STPG2: variants seen among roughly 807,000 people sequenced by gnomAD.
STPG2 encodes sperm-tail PG-rich repeat-containing protein 2.
STPG2 carries 56 observed loss-of-function variants against 54.2 expected under a neutral mutation model. The observed-to-expected ratio is 1.03, with a 90% CI of 0.83 to 1.29. The LOEUF is 1.29. Among genes scored for constraint, STPG2 ranks in the 50% most tolerant of loss-of-function variants. The pLI is 0.00. For synonymous variants in STPG2, 200 were observed against 181.8 expected (o/e 1.10, Z -0.81); for missense variants, 596 against 544.9 (o/e 1.09, Z -0.93).
chr4:97,486,892 CACACAA>C (rs1730379018), intron 4 of STPG2, among the ~76,000 whole-genome samples: 1 of 148,144 alleles, frequency 6.8e-6, no homozygotes, highest in African/African-American at 2.5e-5. Flanking sequence ...CACACACACA[CACACAA>C]TGGAATACTA....
chr4:97,475,083 T>C (rs1229532874), intron 4 of STPG2, among the ~76,000 whole-genome samples: 2 of 152,184 alleles, frequency 1.3e-5, no homozygotes, highest in East Asian at 3.9e-4. Flanking sequence ...TAAGAGGGTG[T>C]TGCTTATAAA....
At chr4:97,882,467 G>A (rs1730413112) in intron 8 of STPG2, among the ~76,000 whole-genome samples, 5 of 152,132 alleles carry the variant, frequency 3.3e-5, no homozygotes, top group Non-Finnish European at 2.9e-5. Flanking sequence ...GGGAGGACTG[G>A]GAAATGATAG....
At chr4:97,917,904 A>G (rs1423812252) in intron 8 of STPG2, among the ~76,000 whole-genome samples, 2 of 152,302 alleles carry the variant, frequency 1.3e-5, no homozygotes, top group South Asian at 2.1e-4. Flanking sequence ...GACACTACTC[A>G]TAGGAAAAAA....
At chr4:97,670,537 A>G (rs1722666754) in intron 10 of STPG2, among the ~76,000 whole-genome samples, 1 of 152,210 alleles carries the variant, frequency 6.6e-6, no homozygotes, top group Non-Finnish European at 1.5e-5. Context: ...CATATAAGTA[A>G]AATGATGAGC....
chr4:98,043,691 TTCA>T (rs1737034643), intron 5 of STPG2, among the ~76,000 whole-genome samples: 4 of 152,114 alleles, frequency 2.6e-5, no homozygotes, highest in Admixed American at 2.6e-4. Context: ...CTTTAATACT[TTCA>T]TCTTTTTTCT....
intron 5 of STPG2, among the ~76,000 whole-genome samples, chr4:98,008,197 G>T (rs1420438760): frequency 6.6e-6 from 1 of 151,980 alleles, no homozygotes; most frequent in African/African-American, 2.4e-5. Flanking sequence ...CAAGAGAAAA[G>T]CATCTAGTCA....
intron 10 of STPG2, among the ~76,000 whole-genome samples, chr4:97,572,261 C>T (rs1254553126): frequency 6.6e-6 from 1 of 152,154 alleles, no homozygotes; most frequent in African/African-American, 2.4e-5. Flanking sequence ...AATACCTGTA[C>T]TCTCAAGATA....
intron 10 of STPG2, among the ~76,000 whole-genome samples, chr4:97,566,159 C>A (rs1219534293): frequency 6.6e-6 from 1 of 152,190 alleles, no homozygotes; most frequent in Non-Finnish European, 1.5e-5. Context: ...TCTCCCCCAG[C>A]CTCGCTGCCA....
At position 97,840,866 on chromosome 4, in the gene STPG2, A is replaced by G; in HGVS notation, c.1111T>C (p.Tyr371His). Residue 371 changes from tyrosine to histidine, a missense_variant, in exon 9 of 11, where the codon TAT becomes CAT. By Grantham distance (83) the Tyr-to-His change is moderately conservative. Coordinates refer to ENST00000295268, the MANE Select transcript of STPG2 (RefSeq NM_174952.3). ...SYEMSQVKHK[Y>H]MPPRSLVAKR... ...GCCACTAAACTACGAGGTGGCATAT[A>G]TTTATGCTTAACTTGGGACATCTCA... is the stretch of plus-strand genomic sequence containing the variant. 6.2e-7 allele frequency: 1 copy of G among 1,612,212 alleles called. No homozygotes were observed. The highest frequency in any genetic ancestry group is 8.5e-7 in the Non-Finnish European group (1 of 1,178,646).
At chr4:97,487,980 C>T (rs1026628001) in intron 4 of STPG2, among the ~76,000 whole-genome samples, 5 of 151,326 alleles carry the variant, frequency 3.3e-5, no homozygotes, top group African/African-American at 1.2e-4. Context: ...GTATTTATCA[C>T]CCATAATTAT....
chr4:97,552,314 A>G (rs543303648), intron 4 of STPG2, among the ~76,000 whole-genome samples: 107 of 152,200 alleles, frequency 7.0e-4, no homozygotes, highest in African/African-American at 2.6e-3. Context: ...GAAAAACATA[A>G]TAGTTCTTAC....
intron 8 of STPG2, among the ~76,000 whole-genome samples, chr4:97,873,201 T>A (rs1306276374): frequency 1.3e-5 from 2 of 151,102 alleles, no homozygotes; most frequent in Non-Finnish European, 3.0e-5. Context: ...TCCTTCCTTC[T>A]TTCCTTTTTT....
intron 9 of STPG2, among the ~76,000 whole-genome samples, chr4:97,763,594 T>C (rs895188651): frequency 6.6e-6 from 1 of 152,108 alleles, no homozygotes; most frequent in African/African-American, 2.4e-5. Context: ...TTATGCCTAT[T>C]GTCCGGGCAT....
intron 1 of STPG2, among the ~76,000 whole-genome samples, chr4:98,137,392 A>C (rs183602664): frequency 4.7e-4 from 72 of 151,910 alleles, no homozygotes; most frequent in African/African-American, 1.6e-3. Context: ...AAGGCCAAAA[A>C]GAAAATTTTG....
intron 5 of STPG2, among the ~76,000 whole-genome samples, chr4:98,052,520 T>C (rs919345058): frequency 6.6e-6 from 1 of 152,248 alleles, no homozygotes; most frequent in African/African-American, 2.4e-5. Flanking sequence ...ATAGGTATGA[T>C]AGAGTTTTAA....
chr4:97,548,864 TAACTA>T (rs1057459837), intron 4 of STPG2, among the ~76,000 whole-genome samples: 3 of 152,332 alleles, frequency 2.0e-5, no homozygotes, highest in Middle Eastern at 6.8e-3. Context: ...GCGCTATACT[TAACTA>T]TTGACAATTT....
intron 9 of STPG2, among the ~76,000 whole-genome samples, chr4:97,813,672 T>C (rs570050051): frequency 1.2e-3 from 90 of 74,186 alleles, no homozygotes; most frequent in African/African-American, 5.0e-3. Context: ...CAAGACCCTG[T>C]CTCTTAAAAA....
chr4:97,851,853 T>C (rs1052137365), intron 8 of STPG2, among the ~76,000 whole-genome samples: 3 of 152,194 alleles, frequency 2.0e-5, no homozygotes, highest in African/African-American at 7.2e-5. Context: ...TATCTCAGCA[T>C]ATTAAAGTAA....
intron 10 of STPG2, among the ~76,000 whole-genome samples, chr4:97,704,831 AAAGAT>A (rs1723891580): frequency 6.6e-6 from 1 of 152,216 alleles, no homozygotes; most frequent in South Asian, 2.1e-4. Context: ...AATTTTCCAC[AAAGAT>A]AATATGAACA....
Sources: allele counts gnomAD v4.1 joint callset (sites outside exome capture counted in the v4.1 genomes callset), GRCh38; gene constraint gnomAD v4.1.1; transcripts MANE v1.5; gene names NCBI Gene and HGNC (gene_info 2026-07-23, HGNC 2026-07-21).